The following MCM8 variants were observed in gnomAD, a reference collection of about 807,000 sequenced individuals.
MCM8 encodes the protein DNA helicase MCM8.
In MCM8, 85 loss-of-function variants were observed where a neutral mutation model predicts 98.9. The observed-to-expected ratio is 0.86, with a 90% CI of 0.72 to 1.03. MCM8 has a LOEUF of 1.03. MCM8 is among the 50% of genes least tolerant of loss of function. MCM8 has a pLI of 0.00. For missense variants in MCM8, 951 were observed against 997.8 expected (o/e 0.95, Z 0.63); for synonymous variants, 352 against 338.6 (o/e 1.04, Z -0.44).
At chr20:5,971,923 C>A in intron 10 of MCM8, 84 bp from the exon 11 acceptor site, 1 of 1,100,760 alleles carries the variant, frequency 9.1e-7, no homozygotes, top group Non-Finnish European at 1.3e-6. Context: ...TGATATTAAG[C>A]AGGTTAAACA....
At chr20:5,985,315 G>A (rs1392606819) in intron 15 of MCM8, among the ~76,000 whole-genome samples, 5 of 151,454 alleles carry the variant, frequency 3.3e-5, no homozygotes, top group Admixed American at 6.6e-5. Context: ...ATGGTGGTGC[G>A]TGTCTGTAAT....
chr20:5,952,238 T>C (rs920851554), intron 2 of MCM8, 75 bp downstream of exon 2: 8 of 1,580,846 alleles, frequency 5.1e-6, no homozygotes, highest in Middle Eastern at 1.7e-4. Context: ...AGGCGGTTTA[T>C]CTCATACTTC....
intron 3 of MCM8, 126 bp from the exon 4 acceptor site, chr20:5,954,482 T>A (rs1469030647): frequency 2.0e-5 from 10 of 508,356 alleles, no homozygotes; most frequent in Non-Finnish European, 3.6e-5. Flanking sequence ...CTTATATGAA[T>A]GTAATCAAAA....
intron 17 of MCM8, chr20:5,991,239 A>G (rs1171371906): frequency 6.6e-6 from 1 of 152,192 alleles, no homozygotes; most frequent in Non-Finnish European, 1.5e-5. Flanking sequence ...AAATTAGGCT[A>G]TATTTACCTT....
chr20:5,969,250 C>G (rs2089346711), intron 10 of MCM8, among the ~76,000 whole-genome samples: 1 of 151,954 alleles, frequency 6.6e-6, no homozygotes, highest in Non-Finnish European at 1.5e-5. Flanking sequence ...ATAGATATAT[C>G]TAAGAGAGGT....
rs1568593597 is a variant in MCM8, at chr20:5,983,017, G to GCCTT, written c.1586_1589dup (p.Leu530PhefsTer12). On this transcript the variant is annotated frameshift_variant, in exon 14 of 19. Coordinates refer to ENST00000610722, the MANE Select transcript of MCM8 (RefSeq NM_032485.6). LOFTEE classifies it high-confidence loss of function. ...TGATAAGATGGGGAATCAACATCAA[G>GCCTT]CCTTGTTGGAAGCCATGGAGCAGCA... 1 of 1,613,800 alleles carries GCCTT rather than the reference G, an allele frequency of 6.2e-7. No homozygotes were observed. Among genetic ancestry groups the GCCTT allele is most frequent in the Non-Finnish European group, 8.5e-7 (1 of 1,179,956 alleles).
At position 5,984,766 on chromosome 20, in the gene MCM8, T is replaced by C. The variant is rs761081713; in HGVS notation, c.1734-15T>C. 1.9e-6 allele frequency: 3 copies of C among 1,580,912 alleles called. No individual in the cohort carries two copies. The highest frequency in any genetic ancestry group is 2.7e-5 in the African/African-American group (2 of 74,000). ...GATTCCAATCATTGTTTCTTCTTTC[T>C]TTCATCCTTCATAGAATGGGGAGTG... is the stretch of plus-strand genomic sequence containing the variant. On this transcript the variant is annotated splice_polypyrimidine_tract_variant and intron_variant, in intron 14 of 18. Coordinates refer to ENST00000610722, the MANE Select transcript of MCM8 (RefSeq NM_032485.6).
chr20:5,956,280 C>T (rs1261806070), intron 5 of MCM8, among the ~76,000 whole-genome samples: 1 of 152,154 alleles, frequency 6.6e-6, no homozygotes, highest in African/African-American at 2.4e-5. Flanking sequence ...TTCTCATGAC[C>T]ACTTTTCGAA....
chr20:5,989,042 G>T (rs1468304962), intron 17 of MCM8, among the ~76,000 whole-genome samples: 1 of 151,530 alleles, frequency 6.6e-6, no homozygotes, highest in Non-Finnish European at 1.5e-5. Context: ...ATGCAGTGAT[G>T]CTCAATAAAG....
intron 10 of MCM8, among the ~76,000 whole-genome samples, chr20:5,968,609 C>T (rs1037180732): frequency 1.3e-5 from 2 of 152,180 alleles, no homozygotes; most frequent in Non-Finnish European, 2.9e-5. Context: ...TAGCCACACT[C>T]ATTCATTTAC....
At chr20:5,951,436 C>T (rs73894093) in intron 1 of MCM8, among the ~76,000 whole-genome samples, 7,635 of 147,716 alleles carry the variant, frequency 0.052, 207 homozygotes, top group Middle Eastern at 0.11. Context: ...TGCACTGCAG[C>T]GTACAGGTAT....
In MCM8 at chr20:5,967,839, A is replaced by G; in HGVS notation, c.1037A>G (p.Asn346Ser). The G allele has an allele frequency of 6.2e-7, 1 of 1,603,416 alleles. No homozygotes were observed. Among genetic ancestry groups the G allele is most frequent in the South Asian group, 1.1e-5 (1 of 88,984 alleles). ...CACTTTTAATTTACAGGTTCTCGAA[A>G]TAAGAATGACAAGTGTATGTTCCTT... The part of the protein sequence containing the change: ...KVSNAEEGSR[N>S]KNDKCMFLLY... The change falls in exon 10 of 19, where the codon AAT becomes AGT. Residue 346 changes from asparagine (N) to serine (S), a missense_variant. Coordinates refer to ENST00000610722, the MANE Select transcript of MCM8 (RefSeq NM_032485.6).
intron 11 of MCM8, chr20:5,972,598 A>C (rs1324953193): frequency 2.5e-6 from 1 of 401,152 alleles, no homozygotes; most frequent in Admixed American, 3.4e-5. Flanking sequence ...TCTGTCGCCC[A>C]GGCTAGAGTA....
At chr20:5,984,643 A>G (rs900259305) in intron 14 of MCM8, 138 bp from the exon 15 acceptor site, 1 of 638,490 alleles carries the variant, frequency 1.6e-6, no homozygotes, top group Non-Finnish European at 2.7e-6. Context: ...CCAAGAAGCT[A>G]TTTGCTTATT....
Position 5,952,020 on chromosome 20 carries a change from A to C in MCM8, c.5A>C (p.Asn2Thr). 6.2e-7 allele frequency: 1 copy of C among 1,612,642 alleles called. No homozygotes were observed. Among genetic ancestry groups the C allele is most frequent in the South Asian group, 1.1e-5 (1 of 90,912 alleles). Reference sequence around the variant, plus strand: ...AATATCTATCTTTTAGGAGAGATGAATGGAGAGTATAGAGGCAGAGGATTT... The same window carrying C: ...AATATCTATCTTTTAGGAGAGATGACTGGAGAGTATAGAGGCAGAGGATTT... M[N>T]GEYRGRGFGR... The change falls in exon 2 of 19, where the codon AAT becomes ACT. Residue 2 changes from asparagine to threonine, a missense_variant. Asn to Thr is a moderately conservative substitution (Grantham distance 65). Transcript: ENST00000610722.
intron 17 of MCM8, among the ~76,000 whole-genome samples, chr20:5,992,501 T>C (rs2089873235): frequency 6.6e-6 from 1 of 152,166 alleles, no homozygotes; most frequent in African/African-American, 2.4e-5. Context: ...TTTTAACAAC[T>C]TTCTCATGAG....
chr20:5,956,783 G>A, intron 5 of MCM8, among the ~76,000 whole-genome samples: 1 of 152,030 alleles, frequency 6.6e-6, no homozygotes, highest in East Asian at 1.9e-4. Context: ...ATTGGTCAGT[G>A]AATATAGAGA....
chr20:5,955,967 C>T (rs372922531), intron 5 of MCM8, among the ~76,000 whole-genome samples: 198 of 152,024 alleles, frequency 1.3e-3, no homozygotes, highest in African/African-American at 3.5e-3. Context: ...CGGGGTTTCA[C>T]GATGTTGGCC....
intron 17 of MCM8, among the ~76,000 whole-genome samples, chr20:5,989,123 T>C (rs2089793603): frequency 1.4e-5 from 2 of 144,824 alleles, no homozygotes; most frequent in South Asian, 4.4e-4. Flanking sequence ...CGCAAGTCTT[T>C]TTTTTTTTTT....
Sources: gnomAD v4.1 joint callset for allele counts (sites outside exome capture counted in the v4.1 genomes callset) on GRCh38, gnomAD v4.1.1 for gene constraint, MANE v1.5 for transcripts, NCBI Gene and HGNC (gene_info 2026-07-23, HGNC 2026-07-21) for gene names.